The following KCNJ6 variants were observed in gnomAD, a reference collection of about 807,000 sequenced individuals.
KCNJ6 encodes the protein G protein-activated inward rectifier potassium channel 2.
In KCNJ6, 9 loss-of-function variants were observed where a neutral mutation model predicts 34.2. The ratio of observed to expected loss-of-function variants is 0.26; its 90% CI spans 0.16 to 0.46. KCNJ6 has a LOEUF of 0.46. Ranked by LOEUF, KCNJ6 falls within the 20% of genes least tolerant of loss-of-function variation. The pLI, the probability that KCNJ6 is intolerant of heterozygous loss-of-function variation, is 1.00. For missense variants in KCNJ6, 236 were observed against 531.3 expected, an observed-to-expected ratio of 0.44 and a Z score of 5.46; for synonymous variants, 196 against 207.1, an observed-to-expected ratio of 0.95 and a Z score of 0.46.
At chr21:37,764,947 G>C (rs561948628) in intron 2 of KCNJ6, among the ~76,000 whole-genome samples, 8 of 152,294 alleles carry the variant, frequency 5.3e-5, no homozygotes, top group Non-Finnish European at 1.0e-4. Context: ...TCCTTCTCAG[G>C]GGGTGAAGCA....
At chr21:37,901,768 T>G (rs2055817987) in intron 1 of KCNJ6, among the ~76,000 whole-genome samples, 1 of 152,244 alleles carries the variant, frequency 6.6e-6, no homozygotes, top group Non-Finnish European at 1.5e-5. Context: ...ATTATTCTAG[T>G]CTTAAACTCA....
At chr21:37,773,380 A>C (rs2123505353) in intron 2 of KCNJ6, among the ~76,000 whole-genome samples, 1 of 152,226 alleles carries the variant, frequency 6.6e-6, no homozygotes, top group African/African-American at 2.4e-5. Flanking sequence ...TGTCCTATTT[A>C]TCTTTATCTC....
chr21:37,709,361 A>G (rs1340585017), intron 3 of KCNJ6, among the ~76,000 whole-genome samples: 1 of 151,926 alleles, frequency 6.6e-6, no homozygotes, highest in African/African-American at 2.4e-5. Context: ...AAATTACAAA[A>G]TTAGCCGGGC....
chr21:37,755,725 T>C (rs913376847), intron 2 of KCNJ6, among the ~76,000 whole-genome samples: 8 of 152,134 alleles, frequency 5.3e-5, no homozygotes, highest in African/African-American at 1.9e-4. Flanking sequence ...TGAGAAGCCA[T>C]GAAGGGGTGA....
intron 3 of KCNJ6, among the ~76,000 whole-genome samples, chr21:37,657,605 CAAAG>C (rs1000743249): frequency 5.9e-5 from 9 of 152,190 alleles, no homozygotes; most frequent in Non-Finnish European, 1.0e-4. Context: ...TCCCTCCTCT[CAAAG>C]AGATTGGGGA....
chr21:37,676,648 G>A (rs1003123992), intron 3 of KCNJ6, among the ~76,000 whole-genome samples: 1 of 152,234 alleles, frequency 6.6e-6, no homozygotes, highest in Non-Finnish European at 1.5e-5. Flanking sequence ...GGAAAGCAAG[G>A]CACCAGCCAG....
intron 2 of KCNJ6, among the ~76,000 whole-genome samples, chr21:37,737,289 C>A (rs1181226132): frequency 2.0e-5 from 3 of 152,084 alleles, no homozygotes; most frequent in Non-Finnish European, 4.4e-5. Flanking sequence ...GTCATTTATT[C>A]CTTGAGGTGA....
Position 37,655,178 on chromosome 21 carries a change from TTTGTGTGTGTGTGTGTG to T in KCNJ6, c.947-29711_947-29695del, listed in dbSNP as rs1484249410. ...ATACACTGCCTTCACACTCTAGACATTTGTGTGTGTGTGTGTGTGTGTGTGTGTGTGTGTGTGTGTGT... is the reference window on the plus strand; with the variant it reads ...ATACACTGCCTTCACACTCTAGACATTGTGTGTGTGTGTGTGTGTGTGTGT... On this transcript the variant is annotated intron_variant, in intron 3 of 3. Coordinates refer to ENST00000609713, the MANE Select transcript of KCNJ6 (RefSeq NM_002240.5). 4.1e-4 allele frequency among the ~76,000 whole-genome samples: 32 copies of T among 78,136 alleles called. 1 individual carries two copies. The highest frequency in any genetic ancestry group is 1.2e-3 in the African/African-American group (28 of 22,554). 51.3% of individuals were successfully genotyped at this position (78,136 alleles called of 152,430 possible). A position where few individuals can be genotyped will look rare whatever the true frequency, so the allele number is the denominator to read the frequency against.
intron 2 of KCNJ6, among the ~76,000 whole-genome samples, chr21:37,836,845 A>C (rs894030180): frequency 2.6e-5 from 4 of 152,092 alleles, no homozygotes; most frequent in African/African-American, 9.7e-5. Flanking sequence ...CTCTGTAACA[A>C]ATCTGCCCGT....
At chr21:37,800,461 C>T (rs150099608) in intron 2 of KCNJ6, among the ~76,000 whole-genome samples, 5 of 152,202 alleles carry the variant, frequency 3.3e-5, no homozygotes, top group East Asian at 3.9e-4. Context: ...TAATTTTGGA[C>T]GTAGTTCTAA....
intron 1 of KCNJ6, among the ~76,000 whole-genome samples, chr21:37,847,428 A>T (rs7281981): frequency 0.6 from 91,622 of 151,936 alleles, 27,897 homozygotes; most frequent in East Asian, 0.79. Context: ...GCCACCTGCA[A>T]CCCTAGGAAC....
intron 3 of KCNJ6, among the ~76,000 whole-genome samples, chr21:37,691,166 G>C (rs1366786390): frequency 6.6e-6 from 1 of 152,188 alleles, no homozygotes; most frequent in East Asian, 1.9e-4. Flanking sequence ...GAATTGTGTG[G>C]GGCTGAGAGT....
At chr21:37,820,226 C>T (rs1288462918) in intron 2 of KCNJ6, among the ~76,000 whole-genome samples, 2 of 152,222 alleles carry the variant, frequency 1.3e-5, no homozygotes, top group South Asian at 2.1e-4. Context: ...AAGATCTTAA[C>T]TTTTAACTTT....
At chr21:37,754,758 C>A (rs141630875) in intron 2 of KCNJ6, among the ~76,000 whole-genome samples, 80 of 152,306 alleles carry the variant, frequency 5.3e-4, no homozygotes, top group African/African-American at 1.7e-3. Flanking sequence ...TCCTCACTTT[C>A]GGTACATTTC....
At chr21:37,762,677 C>T (rs77907615) in intron 2 of KCNJ6, among the ~76,000 whole-genome samples, 11,746 of 152,192 alleles carry the variant, frequency 0.077, 686 homozygotes, top group Admixed American at 0.12. Context: ...CATGGGCCTT[C>T]TGCTGGGGAG....
At chr21:37,696,298 A>G (rs1249468892) in intron 3 of KCNJ6, among the ~76,000 whole-genome samples, 2 of 152,238 alleles carry the variant, frequency 1.3e-5, no homozygotes, top group African/African-American at 4.8e-5. Context: ...GAAACCTGGC[A>G]GACACCACCT....
Position 37,708,871 on chromosome 21 carries a change from C to T in KCNJ6, c.946+5340G>A, listed in dbSNP as rs185139797. On this transcript the variant is annotated intron_variant, in intron 3 of 3. Transcript: ENST00000609713. The stretch of plus-strand genomic sequence containing the variant: ...TTAAGAGCATGGTGATGCTTACCCT[C>T]AGCAGTCTTATCTTTTCAAAGGCTG... 6.6e-5 allele frequency among the ~76,000 whole-genome samples: 10 copies of T among 152,318 alleles called. No individual in the cohort carries two copies. In the East Asian group the frequency reaches 1.9e-3, roughly 29 times the overall value.
chr21:37,873,422 G>A (rs1394367751), intron 1 of KCNJ6, among the ~76,000 whole-genome samples: 3 of 152,116 alleles, frequency 2.0e-5, no homozygotes, highest in Non-Finnish European at 4.4e-5. Context: ...CATCACTGGT[G>A]GCCAATGGGG....
intron 2 of KCNJ6, among the ~76,000 whole-genome samples, chr21:37,753,568 A>C (rs927209081): frequency 1.3e-5 from 2 of 152,238 alleles, no homozygotes; most frequent in African/African-American, 4.8e-5. Context: ...CGACGCTCTT[A>C]GCCTGGTTCT....
Sources: gnomAD v4.1 joint callset for allele counts (sites outside exome capture counted in the v4.1 genomes callset) on GRCh38, gnomAD v4.1.1 for gene constraint, MANE v1.5 for transcripts, NCBI Gene and HGNC (gene_info 2026-07-23, HGNC 2026-07-21) for gene names.